STARD13: variants seen among roughly 807,000 people sequenced by gnomAD.
The protein encoded by STARD13 is StAR related lipid transfer domain containing 13.
STARD13 carries 62 observed loss-of-function variants against 106.4 expected under a neutral mutation model. The observed-to-expected ratio is 0.58, with a 90% CI of 0.48 to 0.72. The LOEUF is 0.72. Ranked by LOEUF, STARD13 falls within the 30% of genes least tolerant of loss-of-function variation. The pLI, the probability that STARD13 is intolerant of heterozygous loss-of-function variation, is 0.00. For missense variants in STARD13, 1,387 were observed against 1,424.0 expected, an observed-to-expected ratio of 0.97 and a Z score of 0.42; for synonymous variants, 565 against 553.0, an observed-to-expected ratio of 1.02 and a Z score of -0.31.
chr13:33,210,967 A>G lies in STARD13; in HGVS notation c.170-43345T>C, dbSNP rs569427120. Among the ~76,000 whole-genome samples, 14 of 152,344 alleles carry G rather than the reference A, an allele frequency of 9.2e-5. No individual in the cohort carries two copies. The South Asian group carries it at 2.5e-3, about 27-fold the overall frequency. ...ATCTTGGATACCAAGAAATTCACCA[A>G]TTTCTTGACATAAAGGAATGAGAAA... On this transcript the variant is annotated intron_variant, in intron 1 of 13. Transcript: ENST00000336934.
At chr13:33,243,606 A>C (rs1314554675) in intron 1 of STARD13, among the ~76,000 whole-genome samples, 2 of 152,232 alleles carry the variant, frequency 1.3e-5, no homozygotes, top group Non-Finnish European at 2.9e-5. Flanking sequence ...TAAAGGACAG[A>C]GAATCCGTGT....
the STARD13 span, among the ~76,000 whole-genome samples, chr13:33,618,963 G>T: frequency 3.9e-5 from 6 of 152,006 alleles, no homozygotes; most frequent in African/African-American, 1.4e-4. Flanking sequence ...ATGGCCAAGG[G>T]ATATACCGTG....
the STARD13 span, among the ~76,000 whole-genome samples, chr13:33,475,604 G>T: frequency 6.6e-6 from 1 of 152,106 alleles, no homozygotes; most frequent in African/African-American, 2.4e-5. Context: ...CAAAATAAAA[G>T]ACTTATTTTT....
Position 33,350,224 on chromosome 13 carries a change from C to CCGGG in STARD13, c.124+62_124+65dup. The CCGGG allele has an allele frequency of 2.1e-6, 3 of 1,457,828 alleles. No homozygotes were observed. The South Asian group carries it at 4.2e-5, about 20-fold the overall frequency. 90.3% of individuals were successfully genotyped at this position (1,457,828 alleles called of 1,614,324 possible). ...CCCAGAGCAGAGGAGGGCGGCGGGC[C>CCGGG]CGGGCGGGCTACGGGGCCGGCGCCT... On this transcript the variant is annotated intron_variant, in intron 1 of 1. Transcript: ENST00000439831.
the STARD13 span, among the ~76,000 whole-genome samples, chr13:33,443,693 G>A: frequency 1.3e-5 from 2 of 151,880 alleles, no homozygotes; most frequent in Non-Finnish European, 2.9e-5. Context: ...AGACCAGCGT[G>A]GCCAACATGA....
the STARD13 span, chr13:33,659,693 A>G: frequency 7.2e-5 from 11 of 152,088 alleles, no homozygotes; most frequent in Non-Finnish European, 1.3e-4. Context: ...CGTGGGGAAA[A>G]CCCATGCTAA....
chr13:33,211,020 C>T (rs921824852), intron 1 of STARD13, among the ~76,000 whole-genome samples: 5 of 152,042 alleles, frequency 3.3e-5, no homozygotes, highest in African/African-American at 7.2e-5. Flanking sequence ...ATGTACCATA[C>T]GTTATTTGCA....
intron 1 of STARD13, among the ~76,000 whole-genome samples, chr13:33,295,371 G>A (rs1460255907): frequency 6.6e-6 from 1 of 152,178 alleles, no homozygotes; most frequent in African/African-American, 2.4e-5. Flanking sequence ...TAGGGTAATA[G>A]CAGGGCAGCA....
intron 1 of STARD13, chr13:33,336,109 G>A (rs976736352): frequency 1.3e-5 from 2 of 152,216 alleles, no homozygotes; most frequent in Admixed American, 6.5e-5. Flanking sequence ...TGAGCTTGTG[G>A]TTTAAGGGTA....
At chr13:33,184,023 T>C (rs546954746) in intron 1 of STARD13, among the ~76,000 whole-genome samples, 125 of 152,284 alleles carry the variant, frequency 8.2e-4, no homozygotes, top group African/African-American at 2.7e-3. Context: ...TATGATGTAA[T>C]GGGATGAGTT....
At chr13:33,217,978 ATAT>A (rs71819012) in intron 1 of STARD13, among the ~76,000 whole-genome samples, 16,518 of 152,128 alleles carry the variant, frequency 0.11, 1,255 homozygotes, top group African/African-American at 0.22. Context: ...GGAGCAGACT[ATAT>A]TACACACACA....
the STARD13 span, among the ~76,000 whole-genome samples, chr13:33,578,575 T>C: frequency 1.3e-5 from 2 of 151,970 alleles, no homozygotes; most frequent in East Asian, 1.9e-4. Context: ...AAAAACTCCT[T>C]TGGACCCTGG....
chr13:33,383,226 C>T, the STARD13 span, among the ~76,000 whole-genome samples: 1 of 152,188 alleles, frequency 6.6e-6, no homozygotes, highest in Non-Finnish European at 1.5e-5. Flanking sequence ...CGGAATACTA[C>T]ACACGGAGAA....
the STARD13 span, among the ~76,000 whole-genome samples, chr13:33,542,839 C>T: frequency 3.3e-5 from 5 of 152,210 alleles, no homozygotes; most frequent in African/African-American, 1.2e-4. Context: ...CCATCTGGTG[C>T]CGAGTCTCCC....
chr13:33,250,347 AT>A (rs1400487923), intron 1 of STARD13, among the ~76,000 whole-genome samples: 1 of 152,252 alleles, frequency 6.6e-6, no homozygotes, highest in Admixed American at 6.5e-5. Flanking sequence ...ATGAATAAGA[AT>A]TAAGTGTGTG....
Position 33,195,327 on chromosome 13 carries a change from T to C in STARD13, c.170-27705A>G, listed in dbSNP as rs376469670. ...TTTGCAGATTTAGCCACTCTCTCTG[T>C]AACTCAACCAACTAAAGTTGAAGTT... On this transcript the variant is annotated intron_variant, in intron 1 of 13. Transcript: ENST00000336934. Among the ~76,000 whole-genome samples, 4 of 152,224 alleles carry C rather than the reference T, an allele frequency of 2.6e-5. No homozygotes were observed. The East Asian group carries it at 5.8e-4, about 22-fold the overall frequency.
intron 3 of STARD13, among the ~76,000 whole-genome samples, chr13:33,147,798 T>C (rs1880748430): frequency 6.6e-6 from 1 of 152,204 alleles, no homozygotes; most frequent in Non-Finnish European, 1.5e-5. Flanking sequence ...ACTGGAGGAC[T>C]GACACTATCC....
chr13:33,640,694 T>G, the STARD13 span, among the ~76,000 whole-genome samples: 1 of 152,212 alleles, frequency 6.6e-6, no homozygotes, highest in African/African-American at 2.4e-5. Flanking sequence ...AAATACAATT[T>G]GAGGAAAGCT....
upstream of STARD13, chr13:33,350,762 C>T: frequency 1.4e-6 from 1 of 715,838 alleles, no homozygotes; most frequent in Non-Finnish European, 1.7e-6. Context: ...CCCACTCCTT[C>T]CAGGAGCGCG....
Sources: allele counts gnomAD v4.1 joint callset (sites outside exome capture counted in the v4.1 genomes callset), GRCh38; gene constraint gnomAD v4.1.1; transcripts MANE v1.5; gene names NCBI Gene and HGNC (gene_info 2026-07-23, HGNC 2026-07-21).